Variants in HMCN1 observed in about 807,000 individuals in gnomAD.
The protein encoded by HMCN1 is hemicentin 1, also known as hemicentin-1.
HMCN1 carries 321 observed loss-of-function variants against 625.9 expected under a neutral mutation model. The observed-to-expected ratio is 0.51, with a 90% CI of 0.47 to 0.56. The LOEUF is 0.56. Ranked by LOEUF, HMCN1 falls within the 20% of genes least tolerant of loss-of-function variation. The probability of loss-of-function intolerance (pLI) is 0.00; values close to 1 mark genes in which losing one functional copy is unlikely to be tolerated. For missense variants in HMCN1, 6,588 were observed against 6,887.3 expected (o/e 0.96, Z 1.54); for synonymous variants, 2,425 against 2,417.6 (o/e 1.00, Z -0.09).
chr1:185,764,860 T>G (rs1194285639), intron 1 of HMCN1, among the ~76,000 whole-genome samples: 4 of 152,196 alleles, frequency 2.6e-5, no homozygotes, highest in Non-Finnish European at 4.4e-5. Context: ...TAATATTTTT[T>G]AAACTTATAA....
intron 30 of HMCN1, among the ~76,000 whole-genome samples, chr1:186,008,046 C>G (rs1293890302): frequency 6.6e-6 from 1 of 152,096 alleles, no homozygotes; most frequent in Non-Finnish European, 1.5e-5. Flanking sequence ...AAGCAGTCAC[C>G]TACTTACTCT....
At position 185,762,644 on chromosome 1, in the gene HMCN1, T is replaced by C. The variant is rs534150503; in HGVS notation, c.268+27597T>C. ...AGAGAGGCTAACAAGATAGGATAGA[T>C]GAATTTCAGCAGTATTGACCATAAC... On this transcript the variant is annotated intron_variant, in intron 1 of 106. Coordinates refer to ENST00000271588, the MANE Select transcript of HMCN1 (RefSeq NM_031935.3). 5.9e-5 allele frequency among the ~76,000 whole-genome samples: 9 copies of C among 152,290 alleles called. No individual in the cohort carries two copies. In the South Asian group the frequency reaches 1.9e-3, roughly 32 times the overall value.
chr1:185,812,383 A>G (rs565915938), intron 1 of HMCN1, among the ~76,000 whole-genome samples: 2 of 152,288 alleles, frequency 1.3e-5, no homozygotes, highest in African/African-American at 4.8e-5. Context: ...AATGAATATG[A>G]TTTTGACTTA....
Position 185,987,164 on chromosome 1 carries a change from C to T in HMCN1, c.2936-268C>T, listed in dbSNP as rs536944128. On this transcript the variant is annotated intron_variant, in intron 19 of 106. Transcript: ENST00000271588. ...AAAAAAAAGAATTTTCTTCAGTCCT[C>T]TCTTATTTTTGTTAGGAAAGTCAGC... is the stretch of plus-strand genomic sequence containing the variant. Among the ~76,000 whole-genome samples, 4 of 151,256 alleles carry T rather than the reference C, an allele frequency of 2.6e-5. No homozygotes were observed. The South Asian group carries it at 8.3e-4, about 31-fold the overall frequency.
intron 1 of HMCN1, among the ~76,000 whole-genome samples, chr1:185,748,712 A>T (rs1654597313): frequency 6.6e-6 from 1 of 152,238 alleles, no homozygotes; most frequent in Non-Finnish European, 1.5e-5. Context: ...TCAAAGCCTT[A>T]GTTTCCTTAT....
intron 89 of HMCN1, among the ~76,000 whole-genome samples, chr1:186,141,251 C>T (rs538306276): frequency 2.6e-5 from 4 of 151,846 alleles, no homozygotes; most frequent in African/African-American, 7.3e-5. Flanking sequence ...AAGCTTTGCT[C>T]GCTTGCCAAG....
intron 30 of HMCN1, among the ~76,000 whole-genome samples, chr1:186,012,226 C>CT (rs553975075): frequency 0.027 from 3,916 of 142,830 alleles, 64 homozygotes; most frequent in Admixed American, 0.032. Context: ...TTGTCTAAGC[C>CT]TTTTTTTTTT....
intron 36 of HMCN1, among the ~76,000 whole-genome samples, chr1:186,037,091 A>C (rs897318189): frequency 2.0e-5 from 3 of 149,294 alleles, no homozygotes; most frequent in Non-Finnish European, 4.5e-5. Flanking sequence ...GGATTTATTG[A>C]TTGTATGTGG....
intron 68 of HMCN1, among the ~76,000 whole-genome samples, chr1:186,099,109 G>T (rs1177049528): frequency 6.6e-6 from 1 of 152,052 alleles, no homozygotes. Context: ...GGTGACTATA[G>T]TTAATAATAT....
intron 2 of HMCN1, 89 bp downstream of exon 2, chr1:185,846,185 T>C (rs1307663617): frequency 8.6e-6 from 9 of 1,046,404 alleles, no homozygotes; most frequent in Admixed American, 5.6e-5. Context: ...CTAAAAGACA[T>C]AGTTGTTGGC....
intron 4 of HMCN1, among the ~76,000 whole-genome samples, chr1:185,892,136 T>C (rs1665138984): frequency 6.7e-6 from 1 of 149,116 alleles, no homozygotes; most frequent in Non-Finnish European, 1.5e-5. Flanking sequence ...TTCACGTAGT[T>C]CTCGAGCCTT....
chr1:186,003,715 A>G lies in HMCN1; in HGVS notation c.4349-3A>G. On this transcript the variant is annotated splice_region_variant and splice_polypyrimidine_tract_variant and intron_variant, in intron 28 of 106. Transcript: ENST00000271588. The stretch of plus-strand genomic sequence containing the variant: ...GTTTCATAATACACTGTCTTTGTTC[A>G]AGTTCCACCCACCATAATAGGTACC... The G allele has an allele frequency of 6.2e-7, 1 of 1,613,102 alleles. No homozygotes were observed. Among genetic ancestry groups the G allele is most frequent in the Non-Finnish European group, 8.5e-7 (1 of 1,179,298 alleles).
rs115874887 is a variant in HMCN1 at position 186,016,046 on chromosome 1, T to C, written c.4998T>C (p.Ala1666=). The C allele has an allele frequency of 1.3e-3, 2,031 of 1,613,582 alleles. 22 individuals are homozygous for C. In the African/African-American group the frequency reaches 0.022, roughly 18 times the overall value. ...CTCTGACACTGGAGTGCAAAGCTGC[T>C]GGAAACCCTTCTCCCATTCTCACCT... The part of the protein sequence containing the change: ...AHSLTLECKA[A]GNPSPILTWL... The change falls in exon 32 of 107, where the codon GCT becomes GCC. Residue 1666 remains alanine (A), a synonymous_variant. Transcript: ENST00000271588.
intron 4 of HMCN1, among the ~76,000 whole-genome samples, chr1:185,889,521 G>T (rs1358952058): frequency 2.1e-5 from 3 of 139,780 alleles, no homozygotes; most frequent in East Asian, 2.0e-4. Flanking sequence ...TAGCATGAAG[G>T]GTTGTTGAAT....
At chr1:186,136,221 A>G (rs1056712326) in intron 86 of HMCN1, among the ~76,000 whole-genome samples, 2 of 152,186 alleles carry the variant, frequency 1.3e-5, no homozygotes, top group Non-Finnish European at 2.9e-5. Context: ...AAAATGATCA[A>G]AAGAAAAAAG....
At chr1:185,873,373 G>C (rs1663744599) in intron 4 of HMCN1, among the ~76,000 whole-genome samples, 1 of 152,074 alleles carries the variant, frequency 6.6e-6, no homozygotes, top group Non-Finnish European at 1.5e-5. Context: ...TGGAGTTGTG[G>C]TGGAAACTAA....
At position 186,062,534 on chromosome 1, in the gene HMCN1, G is replaced by GA. The variant is rs745754104; in HGVS notation, c.7451dup (p.Asn2484LysfsTer19). The GA allele has an allele frequency of 1.9e-6, 3 of 1,610,986 alleles. No individual in the cohort carries two copies. In the Admixed American group the frequency reaches 5.0e-5, roughly 27 times the overall value. The stretch of plus-strand genomic sequence containing the variant: ...TTTAGTACCACCTCATATTGTGGGT[G>GA]AAAATACATTGGAAGATGTGAAGGT... On this transcript the variant is annotated frameshift_variant, in exon 48 of 107. Transcript: ENST00000271588. LOFTEE classifies it high-confidence loss of function.
intron 2 of HMCN1, among the ~76,000 whole-genome samples, chr1:185,851,141 T>G (rs1662138625): frequency 6.6e-6 from 1 of 152,190 alleles, no homozygotes; most frequent in Admixed American, 6.5e-5. Context: ...TATAAAATTT[T>G]GTTTTATGTA....
intron 42 of HMCN1, among the ~76,000 whole-genome samples, chr1:186,049,934 A>G (rs61831260): frequency 0.14 from 21,571 of 151,848 alleles, 1,754 homozygotes; most frequent in Middle Eastern, 0.21. Flanking sequence ...AAGTTACTAT[A>G]TGGTAAATTT....
Sources: allele counts gnomAD v4.1 joint callset (sites outside exome capture counted in the v4.1 genomes callset), GRCh38; gene constraint gnomAD v4.1.1; transcripts MANE v1.5; gene names NCBI Gene and HGNC (gene_info 2026-07-23, HGNC 2026-07-21).